The following DZIP3 variants were observed in gnomAD, a reference collection of about 807,000 sequenced individuals.
The protein encoded by DZIP3 is E3 ubiquitin-protein ligase DZIP3.
Under a neutral mutation model 162.0 loss-of-function variants are expected in DZIP3, and 118 were observed. The observed-to-expected ratio is 0.73, with a 90% confidence interval of 0.63 to 0.85. The LOEUF is 0.85. Ranked by LOEUF, DZIP3 falls within the 40% of genes least tolerant of loss-of-function variation. DZIP3 has a pLI of 0.00. For missense variants in DZIP3, 1,331 were observed against 1,407.0 expected (o/e 0.95, Z 0.86); for synonymous variants, 438 against 458.6 (o/e 0.96, Z 0.57).
At chr3:108,615,459 G>C (rs961764338) in intron 4 of DZIP3, among the ~76,000 whole-genome samples, 3 of 152,088 alleles carry the variant, frequency 2.0e-5, no homozygotes, top group African/African-American at 7.2e-5. Context: ...TTATGATACT[G>C]GGTTACTTTA....
At chr3:108,616,430 A>C in intron 4 of DZIP3, 111 bp from the exon 5 acceptor site, 1 of 671,146 alleles carries the variant, frequency 1.5e-6, no homozygotes. Flanking sequence ...AACCGTCTTT[A>C]TCTCTATTTT....
intron 2 of DZIP3, among the ~76,000 whole-genome samples, chr3:108,607,044 CAA>C (rs943948763): frequency 1.3e-5 from 2 of 152,108 alleles, no homozygotes; most frequent in African/African-American, 4.8e-5. Context: ...CTTGATAGCA[CAA>C]AGATATAACT....
chr3:108,682,271 G>T (rs1944347648), intron 26 of DZIP3, among the ~76,000 whole-genome samples: 1 of 150,692 alleles, frequency 6.6e-6, no homozygotes, highest in Non-Finnish European at 1.5e-5. Context: ...CCTACTACTA[G>T]GTATAGTGGG....
In DZIP3 at chr3:108,616,658, G is replaced by A. The variant is rs373285274; in HGVS notation, c.375+1G>A. On this transcript the variant is annotated splice_donor_variant, in intron 5 of 32. Coordinates refer to ENST00000361582, the MANE Select transcript of DZIP3 (RefSeq NM_014648.4). LOFTEE classifies it high-confidence loss of function. ...GAACATTCAAGCTGGCAATTATACC[G>A]TAAGTGTTTTCTTTTTGGAAATTTG... 29 of 1,564,048 alleles carry A rather than the reference G, an allele frequency of 1.9e-5. No individual in the cohort carries two copies. The highest frequency in any genetic ancestry group is 6.9e-5 in the African/African-American group (5 of 71,950).
chr3:108,616,999 A>G (rs1254839586), intron 5 of DZIP3, among the ~76,000 whole-genome samples: 1 of 152,232 alleles, frequency 6.6e-6, no homozygotes, highest in Non-Finnish European at 1.5e-5. Context: ...AAAGTTAAAA[A>G]AAATAAGCCA....
chr3:108,641,638 A>G (rs979765116), intron 12 of DZIP3, among the ~76,000 whole-genome samples: 4 of 152,200 alleles, frequency 2.6e-5, no homozygotes, highest in Non-Finnish European at 5.9e-5. Flanking sequence ...GTGGTTTTAC[A>G]AATGTACACT....
chr3:108,631,424 T>C (rs982666321), intron 8 of DZIP3, among the ~76,000 whole-genome samples: 13 of 151,858 alleles, frequency 8.6e-5, no homozygotes, highest in South Asian at 2.1e-4. Flanking sequence ...TCACCCTGGG[T>C]GGAGTGCAGT....
intron 12 of DZIP3, among the ~76,000 whole-genome samples, chr3:108,640,473 T>C (rs1942351787): frequency 7.0e-6 from 1 of 142,828 alleles, no homozygotes; most frequent in African/African-American, 2.7e-5. Flanking sequence ...TGAGACGGAG[T>C]CTCGCCCTGT....
At chr3:108,647,567 C>A (rs1428038076) in intron 15 of DZIP3, among the ~76,000 whole-genome samples, 3 of 152,106 alleles carry the variant, frequency 2.0e-5, no homozygotes, top group African/African-American at 7.2e-5. Context: ...CTTTTGTCTT[C>A]TTTTTCTTTA....
At chr3:108,593,545 T>A (rs1939540632) in intron 1 of DZIP3, among the ~76,000 whole-genome samples, 1 of 152,162 alleles carries the variant, frequency 6.6e-6, no homozygotes. Flanking sequence ...TTTTTTATGC[T>A]ATGGGATAAT....
At chr3:108,673,116 A>G (rs1188915209) in intron 23 of DZIP3, among the ~76,000 whole-genome samples, 2 of 152,010 alleles carry the variant, frequency 1.3e-5, no homozygotes, top group South Asian at 4.1e-4. Context: ...CACCACAGCT[A>G]GGGTCTCTCA....
At chr3:108,602,726 A>C (rs1204165728) in intron 1 of DZIP3, 1 of 152,186 alleles carries the variant, frequency 6.6e-6, no homozygotes, top group Non-Finnish European at 1.5e-5. Context: ...GTGACATTTC[A>C]GGCTGACTGC....
chr3:108,594,797 G>A (rs1423381892), intron 1 of DZIP3, among the ~76,000 whole-genome samples: 6 of 151,922 alleles, frequency 3.9e-5, no homozygotes, highest in African/African-American at 1.2e-4. Flanking sequence ...GCATTCCTTA[G>A]TATATTTTTA....
At chr3:108,660,665 G>T (rs1943378550) in intron 19 of DZIP3, among the ~76,000 whole-genome samples, 1 of 152,138 alleles carries the variant, frequency 6.6e-6, no homozygotes, top group African/African-American at 2.4e-5. Flanking sequence ...AAGAGCTTCT[G>T]CACAGCAAAA....
intron 8 of DZIP3, among the ~76,000 whole-genome samples, chr3:108,632,177 C>G (rs1350257239): frequency 6.6e-6 from 1 of 152,098 alleles, no homozygotes; most frequent in Non-Finnish European, 1.5e-5. Context: ...TTAACTTAGA[C>G]CTGATTACAT....
intron 31 of DZIP3, among the ~76,000 whole-genome samples, chr3:108,689,614 G>C (rs1002394437): frequency 2.0e-5 from 3 of 152,166 alleles, no homozygotes; most frequent in Non-Finnish European, 4.4e-5. Context: ...GTGAACCCAG[G>C]AGGTGGTGCT....
intron 16 of DZIP3, 56 bp downstream of exon 16, chr3:108,648,168 G>T (rs1942711779): frequency 6.7e-7 from 1 of 1,485,948 alleles, no homozygotes; most frequent in Admixed American, 2.3e-5. Context: ...CCTTTAATTT[G>T]TTGCATGTGC....
At chr3:108,634,781 A>G in intron 9 of DZIP3, 90 bp from the exon 10 acceptor site, 1 of 607,308 alleles carries the variant, frequency 1.6e-6, no homozygotes, top group Non-Finnish European at 2.6e-6. Flanking sequence ...ATCTAATTAT[A>G]GAATAATTTT....
chr3:108,674,009 G>A, intron 23 of DZIP3, 69 bp from the exon 24 acceptor site: 2 of 1,172,088 alleles, frequency 1.7e-6, no homozygotes, highest in Admixed American at 1.8e-5. Context: ...TACTTGAGAT[G>A]ATTGAGAAGA....
Sources: allele counts gnomAD v4.1 joint callset (sites outside exome capture counted in the v4.1 genomes callset), GRCh38; gene constraint gnomAD v4.1.1; transcripts MANE v1.5; gene names NCBI Gene and HGNC (gene_info 2026-07-23, HGNC 2026-07-21).